TVP23A: variants seen among roughly 807,000 people sequenced by gnomAD.
TVP23A encodes the protein trans-golgi network vesicle protein 23 homolog A.
Under a neutral mutation model 31.7 loss-of-function variants are expected in TVP23A, and 21 were observed. That is an observed-to-expected ratio of 0.66 (90% CI 0.47 to 0.95). The LOEUF (loss-of-function observed/expected upper bound fraction) is 0.95. Ranked by LOEUF, TVP23A falls within the 40% of genes least tolerant of loss-of-function variation. The pLI is 0.00. For synonymous variants in TVP23A, 104 were observed against 96.0 expected (o/e 1.08, Z -0.49); for missense variants, 279 against 255.6 (o/e 1.09, Z -0.62).
intron 2 of TVP23A, among the ~76,000 whole-genome samples, chr16:10,782,948 C>G (rs1484259645): frequency 6.6e-6 from 1 of 152,068 alleles, no homozygotes; most frequent in Non-Finnish European, 1.5e-5. Flanking sequence ...CAAAACAACC[C>G]AAAATGAAGC....
chr16:10,795,671 C>G (rs1317326636), intron 2 of TVP23A, among the ~76,000 whole-genome samples: 11 of 152,174 alleles, frequency 7.2e-5, no homozygotes, highest in African/African-American at 2.7e-4. Flanking sequence ...TGCCTTTTCT[C>G]TACAAAGTGT....
chr16:10,781,838 A>T (rs2142943956), intron 2 of TVP23A, among the ~76,000 whole-genome samples: 1 of 150,110 alleles, frequency 6.7e-6, no homozygotes, highest in East Asian at 2.0e-4. Flanking sequence ...CCTCCTTCAC[A>T]ACTAACACAA....
Position 10,779,526 on chromosome 16 carries a change from C to A in TVP23A, c.90-4430G>T, listed in dbSNP as rs541722044. Among the ~76,000 whole-genome samples the A allele has an allele frequency of 1.3e-5, 2 of 152,298 alleles. No homozygotes were observed. Among genetic ancestry groups the A allele is most frequent in the African/African-American group, 4.8e-5 (2 of 41,562 alleles). Reference sequence around the variant, plus strand: ...TCTCTAACTCCGCCCTCCCAGGCACCAACCTGGGAGGTTGCCCCTTGAGAG... The same window carrying A: ...TCTCTAACTCCGCCCTCCCAGGCACAAACCTGGGAGGTTGCCCCTTGAGAG... On this transcript the variant is annotated intron_variant, in intron 2 of 7. Coordinates refer to ENST00000299866, the MANE Select transcript of TVP23A (RefSeq NM_001079512.4). This position sits in a 1 kb window ranked among gnomAD's most constrained non-coding sequence, Gnocchi z 4.9.
chr16:10,797,676 T>G (rs2033463614), intron 2 of TVP23A, among the ~76,000 whole-genome samples: 1 of 152,060 alleles, frequency 6.6e-6, no homozygotes, highest in African/African-American at 2.4e-5. Flanking sequence ...GCTAAGATCA[T>G]GCCACTGAAC....
At chr16:10,800,030 T>TTTTTTTC (rs1407349321) in intron 2 of TVP23A, among the ~76,000 whole-genome samples, 2 of 137,610 alleles carry the variant, frequency 1.5e-5, no homozygotes, top group African/African-American at 3.1e-5. Flanking sequence ...TTTTTTTTTT[T>TTTTTTTC]TCGCACTGGC....
Position 10,818,412 on chromosome 16 carries a change from C to T in TVP23A, c.9+73G>A, listed in dbSNP as rs1184009736. ...CCCGGCGCATCCCTCCTCCTCCTCC[C>T]GGCTTCTCCAGCGCTCCCGCAGGCT... On this transcript the variant is annotated intron_variant, in intron 1 of 7. Transcript: ENST00000299866. The surrounding 1 kb of genome is among the most constrained non-coding windows in gnomAD (Gnocchi z 4.7). The T allele has an allele frequency of 6.4e-7, 1 of 1,571,862 alleles. No individual in the cohort carries two copies. The highest frequency in any genetic ancestry group is 1.2e-5 in the South Asian group (1 of 86,362).
At chr16:10,794,167 G>A (rs559004560) in intron 2 of TVP23A, among the ~76,000 whole-genome samples, 13 of 152,150 alleles carry the variant, frequency 8.5e-5, no homozygotes, top group Admixed American at 3.3e-4. Flanking sequence ...CAGCCCTCAC[G>A]GCCGAATCAT....
chr16:10,762,156 G>C (rs942108070), downstream of TVP23A: 2 of 262,766 alleles, frequency 7.6e-6, no homozygotes, highest in Admixed American at 4.9e-5. Context: ...GCACCCGATA[G>C]AGGGGCGGCT....
chr16:10,792,044 A>G (rs1473085384), intron 2 of TVP23A, among the ~76,000 whole-genome samples: 3 of 152,230 alleles, frequency 2.0e-5, no homozygotes, highest in African/African-American at 7.2e-5. Context: ...CACCTGATCC[A>G]ACCAATCTGT....
At chr16:10,810,567 G>T (rs1027774903) in intron 2 of TVP23A, among the ~76,000 whole-genome samples, 14 of 150,094 alleles carry the variant, frequency 9.3e-5, no homozygotes, top group Admixed American at 3.3e-4. Context: ...AAAAAGAAAA[G>T]AAAAGAAAAG....
intron 2 of TVP23A, among the ~76,000 whole-genome samples, chr16:10,793,755 T>G (rs1469728471): frequency 6.6e-6 from 1 of 151,142 alleles, no homozygotes; most frequent in African/African-American, 2.4e-5. Context: ...TAAACCTAGC[T>G]GGGCATGGTG....
chr16:10,818,643 G>C lies in TVP23A; in HGVS notation c.-150C>G. On this transcript the variant is annotated 5_prime_UTR_variant, in exon 1 of 8. Transcript: ENST00000299866. The surrounding 1 kb of genome is among the most constrained non-coding windows in gnomAD (Gnocchi z 4.7). ...CTGCGCCCTGTGGGGCAGCCTCAGC[G>C]CAGCTTCTCGGGTGGGGCGGGGCGC... The C allele has an allele frequency of 1.0e-6, 1 of 998,066 alleles. No individual in the cohort carries two copies. Among genetic ancestry groups the C allele is most frequent in the Admixed American group, 3.6e-5 (1 of 27,476 alleles). The allele number at this position is 998,066 out of a possible 1,614,324, so 61.8% of individuals were successfully genotyped here. A position where few individuals can be genotyped will look rare whatever the true frequency, so the allele number is the denominator to read the frequency against.
intron 2 of TVP23A, chr16:10,808,478 C>A (rs1040591013): frequency 4.4e-6 from 2 of 454,044 alleles, no homozygotes; most frequent in Admixed American, 2.4e-5. Context: ...ATGACATTCA[C>A]TAGGCTGAAC....
intron 2 of TVP23A, among the ~76,000 whole-genome samples, chr16:10,788,601 G>A (rs562981949): frequency 8.5e-5 from 13 of 152,250 alleles, no homozygotes; most frequent in Middle Eastern, 6.8e-3. Flanking sequence ...GAGCCAGGGG[G>A]CCAGAGCAAA....
At chr16:10,770,503 A>G (rs1297751852) in intron 6 of TVP23A, among the ~76,000 whole-genome samples, 172 bp from the exon 7 acceptor site, 2 of 152,174 alleles carry the variant, frequency 1.3e-5, no homozygotes, top group Admixed American at 1.3e-4. Context: ...TACCCATTTC[A>G]GGATGAACCT....
rs538535980 is a variant in TVP23A, at chr16:10,777,908, C to A, written c.90-2812G>T. Among the ~76,000 whole-genome samples, 1 of 151,720 alleles carries A rather than the reference C, an allele frequency of 6.6e-6. No homozygotes were observed. Among genetic ancestry groups the A allele is most frequent in the Non-Finnish European group, 1.5e-5 (1 of 67,962 alleles). On this transcript the variant is annotated intron_variant, in intron 2 of 7. Transcript: ENST00000299866. This position sits in a 1 kb window ranked among gnomAD's most constrained non-coding sequence, Gnocchi z 4.5. ...CGCCTGTAGTCCCAGCTACTCGGGA[C>A]GCTGAGGCAGGAGAATTGCTTGAAT...
At chr16:10,791,569 C>T (rs1272568914) in intron 2 of TVP23A, among the ~76,000 whole-genome samples, 1 of 152,174 alleles carries the variant, frequency 6.6e-6, no homozygotes, top group South Asian at 2.1e-4. Context: ...AAAAGGCTAC[C>T]TCGGACCAGG....
chr16:10,764,160 A>AGGAGTATCTCAGCCCACG (rs1383935962), downstream of TVP23A, among the ~76,000 whole-genome samples: 1 of 150,634 alleles, frequency 6.6e-6, no homozygotes, highest in African/African-American at 2.5e-5. Context: ...CTCAGCCCAC[A>AGGAGTATCTCAGCCCACG]GGAGTATCTC....
intron 5 of TVP23A, among the ~76,000 whole-genome samples, chr16:10,772,094 G>A (rs2031670285): frequency 6.6e-6 from 1 of 152,164 alleles, no homozygotes; most frequent in South Asian, 2.1e-4. Context: ...CACCTCTCAA[G>A]CCACGTAGAA....
Sources: gnomAD v4.1 joint callset for allele counts (sites outside exome capture counted in the v4.1 genomes callset) on GRCh38, gnomAD v4.1.1 for gene constraint, Gnocchi (gnomAD v3.1) non-coding constraint, MANE v1.5 for transcripts, NCBI Gene and HGNC (gene_info 2026-07-23, HGNC 2026-07-21) for gene names.